The following RABEP2 variants were observed in gnomAD, a reference collection of about 807,000 sequenced individuals.
RABEP2 encodes rabaptin, RAB GTPase binding effector protein 2, also known as rab GTPase-binding effector protein 2.
A neutral mutation model predicts 74.1 loss-of-function variants in RABEP2; 57 were observed. The observed-to-expected ratio is 0.77, with a 90% CI of 0.62 to 0.96. The LOEUF is 0.96. RABEP2 is among the 40% of genes least tolerant of loss of function. RABEP2 has a pLI of 0.00. For missense variants in RABEP2, 692 were observed against 756.3 expected (o/e 0.91, Z 1.00); for synonymous variants, 351 against 344.0 (o/e 1.02, Z -0.23).
At position 28,914,654 on chromosome 16, in the gene RABEP2, C is replaced by G; in HGVS notation, c.543+18G>C. ...CTGGCACCCCTCCTTCCCCAGCGCCCCCTGGCCGTGCCCTCACCTGGATCT... is the reference window on the plus strand; with the variant it reads ...CTGGCACCCCTCCTTCCCCAGCGCCGCCTGGCCGTGCCCTCACCTGGATCT... On this transcript the variant is annotated intron_variant, in intron 4 of 12. Transcript: ENST00000358201. The G allele has an allele frequency of 6.2e-7, 1 of 1,613,570 alleles. No homozygotes were observed. Among genetic ancestry groups the G allele is most frequent in the Non-Finnish European group, 8.5e-7 (1 of 1,179,626 alleles).
chr16:28,911,658 A>G (rs1183135558), intron 5 of RABEP2, among the ~76,000 whole-genome samples: 2 of 148,124 alleles, frequency 1.4e-5, no homozygotes, highest in African/African-American at 2.5e-5. Flanking sequence ...AAAAAAGAGA[A>G]AAAAAAAAAA....
intron 2 of RABEP2, among the ~76,000 whole-genome samples, chr16:28,921,888 C>A (rs1964472043): frequency 6.6e-6 from 1 of 151,870 alleles, no homozygotes; most frequent in Non-Finnish European, 1.5e-5. Flanking sequence ...TTGTTTGAAC[C>A]CAGGAGGCGG....
In RABEP2 at chr16:28,909,146, G is replaced by A. The variant is rs139035409; in HGVS notation, c.1090-382C>T. On this transcript the variant is annotated intron_variant, in intron 7 of 12. Transcript: ENST00000358201. Reference sequence around the variant, plus strand: ...GGCTGGAGTGCAATAGAGTGATCTCGGCTCACTGCAACCTCCGCCTCCCGG... The same window carrying A: ...GGCTGGAGTGCAATAGAGTGATCTCAGCTCACTGCAACCTCCGCCTCCCGG... Among the ~76,000 whole-genome samples, 765 of 151,826 alleles carry A rather than the reference G, an allele frequency of 5.0e-3. 7 individuals carry two copies. Among genetic ancestry groups the A allele is most frequent in the African/African-American group, 0.018 (738 of 41,402 alleles).
At chr16:28,918,341 G>A (rs940534146) in intron 3 of RABEP2, among the ~76,000 whole-genome samples, 14 of 152,052 alleles carry the variant, frequency 9.2e-5, no homozygotes, top group African/African-American at 2.9e-4. Flanking sequence ...GGCCGGGCGC[G>A]GTGGTTCACA....
rs766801703 is a variant in RABEP2, at chr16:28,914,377, T to G, written c.753A>C (p.Gln251His). Reference protein sequence around the residue: ...GGVGSSSSLPQSRQGLSPEQE... With the variant: ...GGVGSSSSLPHSRQGLSPEQE... Reference sequence around the variant, plus strand: ...GTTCAGGGCTCAGGCCCTGGCGGCTTTGGGGCAGGGAGGAGCTGCTGCCGA... The same window carrying G: ...GTTCAGGGCTCAGGCCCTGGCGGCTGTGGGGCAGGGAGGAGCTGCTGCCGA... Residue 251 changes from glutamine to histidine, a missense_variant, in exon 5 of 13, where the codon CAA (glutamine) becomes CAC (histidine). Gln to His is a conservative substitution (Grantham distance 24, BLOSUM62 0). Transcript: ENST00000358201. The G allele has an allele frequency of 6.2e-7, 1 of 1,613,386 alleles. No homozygotes were observed. The highest frequency in any genetic ancestry group is 8.5e-7 in the Non-Finnish European group (1 of 1,179,982).
intron 2 of RABEP2, chr16:28,921,038 A>T (rs954797624): frequency 7.6e-5 from 28 of 367,630 alleles, no homozygotes; most frequent in African/African-American, 5.8e-4. Flanking sequence ...TAATTTTTGT[A>T]TTTTTTGTAG....
chr16:28,921,160 G>A (rs745540737), intron 2 of RABEP2: 20 of 455,344 alleles, frequency 4.4e-5, no homozygotes, highest in East Asian at 1.4e-4. Flanking sequence ...CACCACACCC[G>A]GCCCTTAATC....
intron 1 of RABEP2, 99 bp downstream of exon 1, chr16:28,925,004 T>G: frequency 8.0e-7 from 1 of 1,252,654 alleles, no homozygotes; most frequent in Non-Finnish European, 1.1e-6. Flanking sequence ...CCCCGCCCCT[T>G]CCTCCATCAT....
At chr16:28,918,486 GT>G (rs1290028830) in intron 3 of RABEP2, among the ~76,000 whole-genome samples, 1 of 151,878 alleles carries the variant, frequency 6.6e-6, no homozygotes, top group Non-Finnish European at 1.5e-5. Flanking sequence ...ATGGTGGCAG[GT>G]GCCTGTAATT....
At chr16:28,910,566 C>T (rs531029724) in intron 7 of RABEP2, 9 of 234,222 alleles carry the variant, frequency 3.8e-5, no homozygotes, top group African/African-American at 9.1e-5. Context: ...TGAGTCACCT[C>T]GCCCAGTCAG....
At chr16:28,923,136 G>A (rs996660045) in intron 2 of RABEP2, among the ~76,000 whole-genome samples, 4 of 152,134 alleles carry the variant, frequency 2.6e-5, no homozygotes, top group East Asian at 1.9e-4. Context: ...GGCCAGGCGC[G>A]GTGGCTCACA....
At position 28,905,727 on chromosome 16, in the gene RABEP2, G is replaced by C; in HGVS notation, c.1468C>G (p.Arg490Gly). Reference protein sequence around the residue: ...SLCSLRTEMERVQQEQSKAQL... With the variant: ...SLCSLRTEMEGVQQEQSKAQL... ...ACCTTGCTCTGTTCCTGCTGCACCC[G>C]CTCCATCTCTGTCCTCAGGCTGCAC... The change falls in exon 11 of 13, where the codon CGG (arginine) becomes GGG (glycine). Residue 490 changes from arginine (R) to glycine (G), a missense_variant. Arg to Gly is a moderately radical substitution (Grantham distance 125). Coordinates refer to ENST00000358201, the MANE Select transcript of RABEP2 (RefSeq NM_024816.3). 1 of 1,613,902 alleles carries C rather than the reference G, an allele frequency of 6.2e-7. No individual in the cohort carries two copies. The highest frequency in any genetic ancestry group is 1.1e-5 in the South Asian group (1 of 91,080).
At chr16:28,924,322 A>G (rs1347077891) in intron 2 of RABEP2, 81 bp downstream of exon 2, 1 of 1,386,982 alleles carries the variant, frequency 7.2e-7, no homozygotes, top group Non-Finnish European at 1.0e-6. Flanking sequence ...CCCATAGCTT[A>G]TCTGTGCCCC....
At chr16:28,919,669 G>C in intron 3 of RABEP2, 117 bp downstream of exon 3, 11 of 1,224,730 alleles carry the variant, frequency 9.0e-6, no homozygotes, top group Non-Finnish European at 1.2e-5. Flanking sequence ...GTAACTCTGT[G>C]CTATTCCTAG....
At chr16:28,912,954 T>TA (rs542591842) in intron 5 of RABEP2, among the ~76,000 whole-genome samples, 33 of 152,176 alleles carry the variant, frequency 2.2e-4, no homozygotes, top group Non-Finnish European at 4.4e-4. Context: ...GCCCCGGTTT[T>TA]TTTTTCTCTT....
rs1323616114 is a variant in RABEP2, at chr16:28,913,392, T to C, written c.894+844A>G. The stretch of plus-strand genomic sequence containing the variant: ...TGTCTTCCCCATGCATCCATGTGCA[T>C]TTTTTTTTAAAGCATCTTTATTGAG... On this transcript the variant is annotated intron_variant, in intron 5 of 12. Coordinates refer to ENST00000358201, the MANE Select transcript of RABEP2 (RefSeq NM_024816.3). Among the ~76,000 whole-genome samples the C allele has an allele frequency of 3.3e-5, 5 of 151,700 alleles. No individual in the cohort carries two copies. In the South Asian group the frequency reaches 6.2e-4, roughly 19 times the overall value.
chr16:28,917,614 G>A (rs1207386261), intron 3 of RABEP2, among the ~76,000 whole-genome samples: 4 of 152,174 alleles, frequency 2.6e-5, no homozygotes, highest in Non-Finnish European at 5.9e-5. Flanking sequence ...TAGAGACGGG[G>A]TTTCCCCAAG....
At chr16:28,906,808 C>A (rs757494352) in intron 8 of RABEP2, among the ~76,000 whole-genome samples, 27 of 151,522 alleles carry the variant, frequency 1.8e-4, no homozygotes, top group Non-Finnish European at 3.1e-4. Flanking sequence ...ACAACAACAA[C>A]AAATTAGCCA....
At chr16:28,906,344 C>A in intron 8 of RABEP2, 148 bp from the exon 9 acceptor site, 1 of 1,113,370 alleles carries the variant, frequency 9.0e-7, no homozygotes, top group Non-Finnish European at 1.2e-6. Flanking sequence ...CCAAAATGCC[C>A]ATCATCTGGG....
Sources: allele counts gnomAD v4.1 joint callset (sites outside exome capture counted in the v4.1 genomes callset), GRCh38; gene constraint gnomAD v4.1.1; transcripts MANE v1.5; gene names NCBI Gene and HGNC (gene_info 2026-07-23, HGNC 2026-07-21).